Variants in RAB38 observed in about 807,000 individuals in gnomAD.
RAB38 encodes ras-related protein Rab-38.
A neutral mutation model predicts 18.4 loss-of-function variants in RAB38; 15 were observed. The ratio of observed to expected loss-of-function variants is 0.82; its 90% CI spans 0.55 to 1.26. The LOEUF (loss-of-function observed/expected upper bound fraction) is 1.26, where lower values mean the gene tolerates loss of function less well. RAB38 is among the 50% of genes most tolerant of loss of function. The pLI, the probability that RAB38 is intolerant of heterozygous loss-of-function variation, is 0.00. For missense variants in RAB38, 294 were observed against 267.4 expected (o/e 1.10, Z -0.69); for synonymous variants, 101 against 104.4 (o/e 0.97, Z 0.20).
the RAB38 span, among the ~76,000 whole-genome samples, chr11:87,938,399 G>C: frequency 6.6e-6 from 1 of 152,178 alleles, no homozygotes; most frequent in South Asian, 2.1e-4. Flanking sequence ...CTGGTGGGAT[G>C]AACGTCTTAG....
the RAB38 span, among the ~76,000 whole-genome samples, chr11:87,876,679 T>G: frequency 5.3e-5 from 8 of 151,672 alleles, no homozygotes; most frequent in East Asian, 1.6e-3. Flanking sequence ...TCCATTGTCT[T>G]TAAGTTTGAA....
chr11:87,926,739 C>T, the RAB38 span, among the ~76,000 whole-genome samples: 5 of 151,992 alleles, frequency 3.3e-5, no homozygotes, highest in Non-Finnish European at 5.9e-5. Flanking sequence ...AGCAGACTTT[C>T]CTCACAGGAC....
At chr11:87,901,882 A>G in the RAB38 span, among the ~76,000 whole-genome samples, 1 of 151,132 alleles carries the variant, frequency 6.6e-6, no homozygotes, top group African/African-American at 2.4e-5. Flanking sequence ...TGTAGCATCT[A>G]AAATTATTTG....
chr11:88,021,100 C>G, the RAB38 span, among the ~76,000 whole-genome samples: 2,604 of 152,000 alleles, frequency 0.017, 75 homozygotes, highest in African/African-American at 0.06. Context: ...TAATAAAGAT[C>G]AGAGCAGAAA....
chr11:87,939,869 C>T, the RAB38 span, among the ~76,000 whole-genome samples: 1 of 151,994 alleles, frequency 6.6e-6, no homozygotes, highest in Non-Finnish European at 1.5e-5. Flanking sequence ...CCCAGCTACA[C>T]CTCAGCCTGA....
intron 2 of RAB38, among the ~76,000 whole-genome samples, chr11:88,134,347 TCTC>T (rs1942805615): frequency 6.6e-6 from 1 of 152,150 alleles, no homozygotes. Context: ...TTCAAGCGAT[TCTC>T]CTGACTCAGC....
chr11:88,045,710 T>C, the RAB38 span, among the ~76,000 whole-genome samples: 1 of 152,186 alleles, frequency 6.6e-6, no homozygotes, highest in Admixed American at 6.5e-5. Flanking sequence ...TCACAGATGC[T>C]TTAGGTGACT....
At chr11:88,093,854 T>C in the RAB38 span, among the ~76,000 whole-genome samples, 1 of 151,908 alleles carries the variant, frequency 6.6e-6, no homozygotes, top group Admixed American at 6.6e-5. Flanking sequence ...CTTACTTCAT[T>C]TTCACATGCT....
chr11:88,048,542 G>A, the RAB38 span, among the ~76,000 whole-genome samples: 5 of 152,056 alleles, frequency 3.3e-5, no homozygotes, highest in African/African-American at 1.2e-4. Flanking sequence ...CATAATTCAG[G>A]CCTGTCCTCG....
At chr11:87,917,006 G>A in the RAB38 span, among the ~76,000 whole-genome samples, 1 of 152,140 alleles carries the variant, frequency 6.6e-6, no homozygotes, top group African/African-American at 2.4e-5. Context: ...ATGGGAAGTG[G>A]AGAGTCATCC....
At chr11:87,907,303 T>A in the RAB38 span, among the ~76,000 whole-genome samples, 2 of 151,900 alleles carry the variant, frequency 1.3e-5, no homozygotes, top group African/African-American at 2.4e-5. Flanking sequence ...TGGAAATAGA[T>A]GGAACATTTT....
the RAB38 span, among the ~76,000 whole-genome samples, chr11:88,086,093 A>T: frequency 6.6e-6 from 1 of 152,048 alleles, no homozygotes; most frequent in South Asian, 2.1e-4. Flanking sequence ...TAGTTTAATA[A>T]TAATATCTTG....
the RAB38 span, among the ~76,000 whole-genome samples, chr11:87,877,147 G>C: frequency 1.3e-5 from 2 of 151,446 alleles, no homozygotes; most frequent in African/African-American, 4.8e-5. Flanking sequence ...TACCATACGT[G>C]CTGAGGACCT....
chr11:87,837,845 T>G, the RAB38 span, among the ~76,000 whole-genome samples: 1 of 152,198 alleles, frequency 6.6e-6, no homozygotes, highest in Non-Finnish European at 1.5e-5. Flanking sequence ...AAGGCAGTGA[T>G]GACAAAATGA....
chr11:88,057,390 G>T, the RAB38 span, among the ~76,000 whole-genome samples: 5 of 151,820 alleles, frequency 3.3e-5, no homozygotes, highest in African/African-American at 7.3e-5. Context: ...TGAAATCCCA[G>T]CCCTGAAGCT....
intron 2 of RAB38, among the ~76,000 whole-genome samples, chr11:88,125,445 T>C (rs755717652): frequency 5.3e-5 from 8 of 152,180 alleles, no homozygotes; most frequent in Non-Finnish European, 8.8e-5. Flanking sequence ...TGATTGACAT[T>C]CTCCTTTGAA....
the RAB38 span, among the ~76,000 whole-genome samples, chr11:87,970,167 G>A: frequency 2.0e-5 from 3 of 151,996 alleles, no homozygotes; most frequent in East Asian, 5.8e-4. Flanking sequence ...CTCAACTTGG[G>A]AGCAAAATTG....
chr11:87,820,766 A>G, the RAB38 span, among the ~76,000 whole-genome samples: 1 of 152,202 alleles, frequency 6.6e-6, no homozygotes, highest in Non-Finnish European at 1.5e-5. Flanking sequence ...TTATAAAATA[A>G]CTCTCTAATA....
At chr11:88,025,254 A>G in the RAB38 span, among the ~76,000 whole-genome samples, 2 of 151,304 alleles carry the variant, frequency 1.3e-5, no homozygotes, top group African/African-American at 2.4e-5. Context: ...TATTATATAT[A>G]GTCACATTTT....
Sources: allele counts gnomAD v4.1 joint callset (sites outside exome capture counted in the v4.1 genomes callset), GRCh38; gene constraint gnomAD v4.1.1; transcripts MANE v1.5; gene names NCBI Gene and HGNC (gene_info 2026-07-23, HGNC 2026-07-21).